Variants in SLC44A1 observed in about 807,000 individuals in gnomAD.
SLC44A1 encodes the protein choline transporter-like protein 1.
Under a neutral mutation model 79.3 loss-of-function variants are expected in SLC44A1, and 26 were observed. The observed-to-expected ratio is 0.33, with a 90% CI of 0.24 to 0.46. The LOEUF (loss-of-function observed/expected upper bound fraction) is 0.46, where lower values mean the gene tolerates loss of function less well. SLC44A1 is among the 20% of genes least tolerant of loss of function. The pLI, the probability that SLC44A1 is intolerant of heterozygous loss-of-function variation, is 1.00. For missense variants in SLC44A1, 688 were observed against 798.1 expected (o/e 0.86, Z 1.66); for synonymous variants, 263 against 286.2 (o/e 0.92, Z 0.82).
intron 1 of SLC44A1, among the ~76,000 whole-genome samples, chr9:105,297,390 TG>T (rs1830752518): frequency 6.6e-6 from 1 of 152,190 alleles, no homozygotes; most frequent in East Asian, 1.9e-4. Flanking sequence ...TTTTTTTCTT[TG>T]TTTGTTTTTG....
chr9:105,435,426 T>C (rs1324436838), intron 15 of SLC44A1, among the ~76,000 whole-genome samples: 1 of 151,722 alleles, frequency 6.6e-6, no homozygotes, highest in Non-Finnish European at 1.5e-5. Context: ...GGGTAGGTAA[T>C]GGAAAGTTAC....
chr9:105,292,016 G>A (rs1273100904), intron 1 of SLC44A1, among the ~76,000 whole-genome samples: 2 of 152,180 alleles, frequency 1.3e-5, no homozygotes, highest in Non-Finnish European at 2.9e-5. Flanking sequence ...CAGCCCAAAT[G>A]GTATTGGAAT....
intron 1 of SLC44A1, among the ~76,000 whole-genome samples, chr9:105,286,794 T>C (rs1202791633): frequency 6.6e-6 from 1 of 151,870 alleles, no homozygotes; most frequent in African/African-American, 2.4e-5. Flanking sequence ...CGAGACCCCA[T>C]CTCTACAAAA....
chr9:105,410,186 G>T (rs1305877027), intron 15 of SLC44A1, among the ~76,000 whole-genome samples: 2 of 152,018 alleles, frequency 1.3e-5, no homozygotes, highest in Non-Finnish European at 2.9e-5. Flanking sequence ...TTGTTTCTTG[G>T]CTATGAAACC....
At chr9:105,330,482 C>T (rs961028657) in intron 3 of SLC44A1, among the ~76,000 whole-genome samples, 2 of 152,144 alleles carry the variant, frequency 1.3e-5, no homozygotes, top group East Asian at 1.9e-4. Context: ...AAAAGCAAAA[C>T]AGAAGTTTAA....
At position 105,422,281 on chromosome 9, in the gene SLC44A1, C is replaced by CTT. The variant is rs554922812; in HGVS notation, c.1951-15975_1951-15974dup. Reference sequence around the variant, plus strand: ...CTGACCTTGGGCCTCCTGCTCCATCCTTTTTTTTTTTTTTTTTTTTTTTTT... The same window carrying CTT: ...CTGACCTTGGGCCTCCTGCTCCATCCTTTTTTTTTTTTTTTTTTTTTTTTTTT... On this transcript the variant is annotated intron_variant, in intron 15 of 15. Coordinates refer to the SLC44A1 transcript ENST00000374724. 2.2e-3 allele frequency among the ~76,000 whole-genome samples: 208 copies of CTT among 95,932 alleles called. 8 individuals are homozygous for CTT. The highest frequency in any genetic ancestry group is 4.9e-3 in the Middle Eastern group (1 of 206). The allele number at this position is 95,932 out of a possible 152,430, so 62.9% of individuals were successfully genotyped here.
intron 1 of SLC44A1, among the ~76,000 whole-genome samples, chr9:105,263,203 G>A (rs971679333): frequency 3.9e-5 from 6 of 152,152 alleles, no homozygotes; most frequent in Non-Finnish European, 8.8e-5. Flanking sequence ...AACACTTCCA[G>A]CAACAGATAA....
chr9:105,400,170 G>A (rs143504688), downstream of SLC44A1, among the ~76,000 whole-genome samples: 5 of 151,626 alleles, frequency 3.3e-5, no homozygotes, highest in South Asian at 2.1e-4. Flanking sequence ...ACTGCAGCCC[G>A]GGCAGCAAGA....
intron 1 of SLC44A1, among the ~76,000 whole-genome samples, chr9:105,262,717 A>G (rs931267465): frequency 5.3e-5 from 8 of 152,136 alleles, no homozygotes; most frequent in African/African-American, 1.9e-4. Context: ...TTAGTGTTCC[A>G]TGGCCATGGA....
chr9:105,334,239 ATT>A (rs202015758), intron 3 of SLC44A1, among the ~76,000 whole-genome samples: 4 of 128,374 alleles, frequency 3.1e-5, no homozygotes, highest in Non-Finnish European at 3.4e-5. Flanking sequence ...TCACACACAC[ATT>A]TTTTTTTTTT....
At chr9:105,333,847 G>A (rs1385321770) in intron 3 of SLC44A1, among the ~76,000 whole-genome samples, 2 of 152,104 alleles carry the variant, frequency 1.3e-5, no homozygotes, top group African/African-American at 4.8e-5. Flanking sequence ...AGTGATGGTG[G>A]TGGTGATGGC....
intron 1 of SLC44A1, among the ~76,000 whole-genome samples, chr9:105,289,775 A>G (rs886377020): frequency 1.3e-5 from 2 of 151,788 alleles, no homozygotes; most frequent in South Asian, 2.1e-4. Context: ...TTACTTCTGT[A>G]TAAGTCATTA....
chr9:105,413,372 C>T (rs1829122902), intron 15 of SLC44A1, among the ~76,000 whole-genome samples: 1 of 152,220 alleles, frequency 6.6e-6, no homozygotes, highest in African/African-American at 2.4e-5. Flanking sequence ...AGAATACTGG[C>T]AATTTCCAAG....
At position 105,417,340 on chromosome 9, in the gene SLC44A1, G is replaced by A. The variant is rs575471588; in HGVS notation, c.1951-20941G>A. Among the ~76,000 whole-genome samples, 5 of 152,142 alleles carry A rather than the reference G, an allele frequency of 3.3e-5. No individual in the cohort carries two copies. In the South Asian group the frequency reaches 6.2e-4, roughly 19 times the overall value. On this transcript the variant is annotated intron_variant, in intron 15 of 15. Transcript: ENST00000374724. ...AGGGTAAGATGCTCACTTTGTGGTC[G>A]TACACATGATCAGGACCTTCCCTCA...
chr9:105,361,669 TA>T (rs1221213448), intron 8 of SLC44A1, among the ~76,000 whole-genome samples: 4 of 152,202 alleles, frequency 2.6e-5, no homozygotes, highest in African/African-American at 4.8e-5. Flanking sequence ...AAAAGTATGT[TA>T]AAAAATATAT....
rs1452249777 is a variant in SLC44A1 at position 105,393,465 on chromosome 9, A to T, written c.*4409A>T. ...AGCACACTTTTTCCATTCAGATTTC[A>T]TACATTTGAGCCAAATTCTTATACT... On this transcript the variant is annotated 3_prime_UTR_variant, in exon 16 of 16. Coordinates refer to ENST00000374720, the MANE Select transcript of SLC44A1 (RefSeq NM_080546.5). 1.0e-6 allele frequency: 1 copy of T among 981,516 alleles called. No homozygotes were observed. Among genetic ancestry groups the T allele is most frequent in the Non-Finnish European group, 1.2e-6 (1 of 826,328 alleles). The allele number at this position is 981,516 out of a possible 1,614,324, so 60.8% of individuals were successfully genotyped here.
At chr9:105,408,550 C>G (rs968572298) in intron 15 of SLC44A1, among the ~76,000 whole-genome samples, 4 of 152,136 alleles carry the variant, frequency 2.6e-5, no homozygotes, top group Non-Finnish European at 4.4e-5. Context: ...GCTGGGACTA[C>G]AGGTGCATGC....
chr9:105,381,065 G>A (rs976879436), intron 13 of SLC44A1, among the ~76,000 whole-genome samples: 19 of 152,120 alleles, frequency 1.2e-4, no homozygotes, highest in Admixed American at 6.5e-4. Context: ...TTGTCTCAGC[G>A]TCTAGTTTGT....
intron 3 of SLC44A1, among the ~76,000 whole-genome samples, chr9:105,324,207 G>A (rs1293726265): frequency 1.3e-5 from 2 of 150,264 alleles, no homozygotes; most frequent in African/African-American, 4.9e-5. Flanking sequence ...TCGATCTCCT[G>A]ACCTCGTGAT....
Sources: gnomAD v4.1 joint callset for allele counts (sites outside exome capture counted in the v4.1 genomes callset) on GRCh38, gnomAD v4.1.1 for gene constraint, MANE v1.5 for transcripts, NCBI Gene and HGNC (gene_info 2026-07-23, HGNC 2026-07-21) for gene names.